The following ZNF804B variants were observed in gnomAD, a reference collection of about 807,000 sequenced individuals.
ZNF804B encodes zinc finger 804B.
A neutral mutation model predicts 101.4 loss-of-function variants in ZNF804B; 80 were observed. That is an observed-to-expected ratio of 0.79 (90% CI 0.66 to 0.95). ZNF804B has a LOEUF of 0.95. ZNF804B is among the 40% of genes least tolerant of loss of function. The probability of loss-of-function intolerance (pLI) is 0.00; values close to 1 mark genes in which losing one functional copy is unlikely to be tolerated. For missense variants in ZNF804B, 1,673 were observed against 1,561.9 expected, an observed-to-expected ratio of 1.07 and a Z score of -1.20; for synonymous variants, 622 against 558.8, an observed-to-expected ratio of 1.11 and a Z score of -1.59.
chr7:89,329,302 A>T (rs765803611), intron 3 of ZNF804B, among the ~76,000 whole-genome samples: 1 of 151,770 alleles, frequency 6.6e-6, no homozygotes, highest in Non-Finnish European at 1.5e-5. Flanking sequence ...CCTGCCTCTT[A>T]GCCAATTGCT....
intron 1 of ZNF804B, among the ~76,000 whole-genome samples, chr7:89,192,460 A>C (rs560938547): frequency 3.5e-4 from 53 of 152,242 alleles, no homozygotes; most frequent in Non-Finnish European, 7.4e-4. Flanking sequence ...TTAAACTAAA[A>C]AAAAAAGCTA....
intron 1 of ZNF804B, among the ~76,000 whole-genome samples, chr7:89,061,701 AAGAG>A (rs1386596072): frequency 1.3e-5 from 2 of 152,168 alleles, no homozygotes; most frequent in East Asian, 3.9e-4. Flanking sequence ...TATAAAAATT[AAGAG>A]AGTTAATATA....
At chr7:89,156,939 A>G (rs60331271) in intron 1 of ZNF804B, among the ~76,000 whole-genome samples, 30,772 of 152,060 alleles carry the variant, frequency 0.2, 3,354 homozygotes, top group Non-Finnish European at 0.23. Context: ...TGAGGGAGGA[A>G]GGAGGAGGGA....
intron 1 of ZNF804B, among the ~76,000 whole-genome samples, chr7:89,069,357 A>G (rs926799586): frequency 6.6e-6 from 1 of 152,208 alleles, no homozygotes; most frequent in African/African-American, 2.4e-5. Flanking sequence ...AAATGAGACT[A>G]TGTATGTGAA....
intron 2 of ZNF804B, among the ~76,000 whole-genome samples, chr7:89,312,061 C>T (rs1016869463): frequency 2.0e-5 from 3 of 152,072 alleles, no homozygotes; most frequent in African/African-American, 7.2e-5. Context: ...GATCCTGAGC[C>T]TTGAAAAGGA....
At chr7:88,775,085 C>T (rs1790121335) in intron 1 of ZNF804B, among the ~76,000 whole-genome samples, 1 of 152,086 alleles carries the variant, frequency 6.6e-6, no homozygotes, top group Non-Finnish European at 1.5e-5. Flanking sequence ...GGAAGATAGG[C>T]AACAAACAGA....
Position 89,132,169 on chromosome 7 carries a change from TACACACACACAC to T in ZNF804B, c.109-85962_109-85951del, listed in dbSNP as rs59188340. 1.2e-3 allele frequency among the ~76,000 whole-genome samples: 156 copies of T among 131,398 alleles called. 1 individual carries two copies. The highest frequency in any genetic ancestry group is 4.3e-3 in the African/African-American group (136 of 31,310). 86.2% of individuals were successfully genotyped at this position (131,398 alleles called of 152,430 possible). On this transcript the variant is annotated intron_variant, in intron 1 of 3. Transcript: ENST00000333190. The stretch of plus-strand genomic sequence containing the variant: ...ACAGGAATGAGAACACACGCACACA[TACACACACACAC>T]ACACACACACACACACACACACAGT...
chr7:89,153,825 T>A (rs1000814186), intron 1 of ZNF804B, among the ~76,000 whole-genome samples: 1 of 152,158 alleles, frequency 6.6e-6, no homozygotes, highest in Non-Finnish European at 1.5e-5. Context: ...AGCTTTTGAC[T>A]GAAATTATTT....
intron 1 of ZNF804B, among the ~76,000 whole-genome samples, chr7:88,901,989 C>A (rs1229923031): frequency 6.6e-6 from 1 of 151,766 alleles, no homozygotes; most frequent in South Asian, 2.1e-4. Context: ...AGAACACAGT[C>A]ATCAAAGCAG....
chr7:88,838,573 A>G (rs1049894289), intron 1 of ZNF804B, among the ~76,000 whole-genome samples: 2 of 151,966 alleles, frequency 1.3e-5, no homozygotes, highest in African/African-American at 4.8e-5. Context: ...TACCTATACT[A>G]TTAAGTAGAT....
chr7:89,277,688 T>G (rs572573855), intron 2 of ZNF804B, among the ~76,000 whole-genome samples: 2 of 151,882 alleles, frequency 1.3e-5, no homozygotes, highest in African/African-American at 4.8e-5. Context: ...CTCATCATTT[T>G]TTATGGCTGC....
intron 1 of ZNF804B, among the ~76,000 whole-genome samples, chr7:88,873,497 G>A (rs963840671): frequency 2.6e-5 from 4 of 152,064 alleles, no homozygotes; most frequent in Non-Finnish European, 4.4e-5. Context: ...GTCAATTTTG[G>A]CTTTTGTTGC....
intron 1 of ZNF804B, among the ~76,000 whole-genome samples, chr7:88,836,757 C>A (rs996663570): frequency 1.3e-5 from 2 of 151,736 alleles, no homozygotes; most frequent in Non-Finnish European, 2.9e-5. Context: ...AGTATTCTGT[C>A]CTGCAAACAC....
At chr7:89,304,952 A>G (rs1790537583) in intron 2 of ZNF804B, among the ~76,000 whole-genome samples, 1 of 151,958 alleles carries the variant, frequency 6.6e-6, no homozygotes, top group Non-Finnish European at 1.5e-5. Flanking sequence ...ACCTAGAAAG[A>G]TTTTCTCTCC....
chr7:89,108,913 G>A (rs868257077), intron 1 of ZNF804B, among the ~76,000 whole-genome samples: 1 of 152,128 alleles, frequency 6.6e-6, no homozygotes, highest in South Asian at 2.1e-4. Context: ...AAGAAAATTA[G>A]TTCCTGAATT....
intron 1 of ZNF804B, among the ~76,000 whole-genome samples, chr7:88,781,423 AG>A (rs926063695): frequency 2.4e-4 from 37 of 152,168 alleles, no homozygotes; most frequent in African/African-American, 8.2e-4. Flanking sequence ...TCCTTGTTGT[AG>A]AGACATTATA....
chr7:89,218,857 C>T (rs1423462889), intron 2 of ZNF804B, among the ~76,000 whole-genome samples: 1 of 151,958 alleles, frequency 6.6e-6, no homozygotes. Context: ...TCATAAAGGT[C>T]TTCATCTTCA....
chr7:89,333,851 G>A lies in ZNF804B; in HGVS notation c.869G>A (p.Ser290Asn). ...AATATCTCACCAAGCCATCTGGAAAGTGTTTTACACAATACCATCTCCATA... is the reference window on the plus strand; with the variant it reads ...AATATCTCACCAAGCCATCTGGAAAATGTTTTACACAATACCATCTCCATA... ...EVNISPSHLESVLHNTISINS... is the reference protein window; with the variant it reads ...EVNISPSHLENVLHNTISINS... The change falls in exon 4 of 4, where the codon AGT becomes AAT. Residue 290 changes from serine to asparagine, a missense_variant. Transcript: ENST00000333190. The A allele has an allele frequency of 6.4e-7, 1 of 1,567,642 alleles. No individual in the cohort carries two copies. The highest frequency in any genetic ancestry group is 1.1e-5 in the South Asian group (1 of 90,368).
chr7:88,969,727 A>G (rs1793504748), intron 1 of ZNF804B, among the ~76,000 whole-genome samples: 1 of 151,570 alleles, frequency 6.6e-6, no homozygotes, highest in African/African-American at 2.4e-5. Flanking sequence ...AGCTAAAATT[A>G]TTTGCTATAT....
Sources: gnomAD v4.1 joint callset for allele counts (sites outside exome capture counted in the v4.1 genomes callset) on GRCh38, gnomAD v4.1.1 for gene constraint, MANE v1.5 for transcripts, NCBI Gene and HGNC (gene_info 2026-07-23, HGNC 2026-07-21) for gene names.